SGCZ: variants seen among roughly 807,000 people sequenced by gnomAD.
SGCZ encodes the protein sarcoglycan zeta.
Under a neutral mutation model 41.3 loss-of-function variants are expected in SGCZ, and 40 were observed. The ratio of observed to expected loss-of-function variants is 0.97; its 90% confidence interval spans 0.75 to 1.26. SGCZ has a LOEUF of 1.26. SGCZ is among the 50% of genes most tolerant of loss of function. The pLI, the probability that SGCZ is intolerant of heterozygous loss-of-function variation, is 0.00. For missense variants in SGCZ, 552 were observed against 369.8 expected (o/e 1.49, Z -4.04); for synonymous variants, 206 against 137.5 (o/e 1.50, Z -3.49).
intron 4 of SGCZ, among the ~76,000 whole-genome samples, chr8:14,220,916 T>C (rs955548723): frequency 1.3e-5 from 2 of 152,188 alleles, no homozygotes; most frequent in African/African-American, 4.8e-5. Context: ...TTGTAGATGT[T>C]GGAAGTAACC....
chr8:14,862,728 A>C (rs538389601), intron 1 of SGCZ, among the ~76,000 whole-genome samples: 1 of 151,918 alleles, frequency 6.6e-6, no homozygotes, highest in South Asian at 2.1e-4. Flanking sequence ...TGATTATAAT[A>C]AGGTTCAAAG....
At chr8:15,102,810 C>T (rs1806665631) in intron 1 of SGCZ, among the ~76,000 whole-genome samples, 1 of 152,206 alleles carries the variant, frequency 6.6e-6, no homozygotes, top group Admixed American at 6.5e-5. Flanking sequence ...TACTTTTTCT[C>T]AAGTCTTACA....
chr8:14,588,339 A>G (rs757293973), intron 1 of SGCZ, among the ~76,000 whole-genome samples: 3 of 152,148 alleles, frequency 2.0e-5, no homozygotes, highest in Non-Finnish European at 2.9e-5. Flanking sequence ...AGCACAATCA[A>G]TAAGTAAGTT....
At chr8:15,131,180 G>C (rs1038203366) in intron 1 of SGCZ, among the ~76,000 whole-genome samples, 4 of 152,170 alleles carry the variant, frequency 2.6e-5, no homozygotes, top group African/African-American at 9.7e-5. Context: ...CCACCCAAAT[G>C]TCATCTTGAA....
At chr8:14,725,150 C>T (rs1810009537) in intron 1 of SGCZ, among the ~76,000 whole-genome samples, 1 of 152,140 alleles carries the variant, frequency 6.6e-6, no homozygotes, top group Non-Finnish European at 1.5e-5. Context: ...TGTCCAATTC[C>T]ATCCATGGTG....
chr8:14,696,112 G>T (rs922420762), intron 1 of SGCZ, among the ~76,000 whole-genome samples: 4 of 151,942 alleles, frequency 2.6e-5, no homozygotes, highest in African/African-American at 9.7e-5. Flanking sequence ...TTTTTTTCAG[G>T]TTGTAGAAAA....
intron 1 of SGCZ, among the ~76,000 whole-genome samples, chr8:15,216,906 C>G (rs978639751): frequency 1.3e-5 from 2 of 151,998 alleles, no homozygotes; most frequent in African/African-American, 2.4e-5. Flanking sequence ...TTTTGGGTAT[C>G]GTTGCTTCTG....
chr8:14,554,717 C>T lies in SGCZ; in HGVS notation c.234+15G>A, dbSNP rs921644243. The T allele has an allele frequency of 5.0e-6, 8 of 1,596,056 alleles. No individual in the cohort carries two copies. The highest frequency in any genetic ancestry group is 3.4e-5 in the Admixed American group (2 of 58,826). On this transcript the variant is annotated intron_variant, in intron 2 of 7. Coordinates refer to ENST00000382080, the MANE Select transcript of SGCZ (RefSeq NM_139167.4). ...AACCAAGAGCAATAAGATGTAAAAT[C>T]ATAGTGGTACTTACCACAGTGAAAT...
In SGCZ at chr8:14,723,050, G is replaced by C. The variant is rs186942155; in HGVS notation, c.40-168124C>G. Among the ~76,000 whole-genome samples the C allele has an allele frequency of 2.0e-5, 3 of 152,052 alleles. No individual in the cohort carries two copies. In the South Asian group the frequency reaches 6.2e-4, roughly 32 times the overall value. ...TCCATTGTTTGTTTCTATTGTTTAT[G>C]TCCATTTTGCTAGGCAGGTTCAAAA... On this transcript the variant is annotated intron_variant, in intron 1 of 7. Coordinates refer to ENST00000382080, the MANE Select transcript of SGCZ (RefSeq NM_139167.4).
At chr8:14,775,942 G>A (rs1438673743) in intron 1 of SGCZ, among the ~76,000 whole-genome samples, 2 of 152,054 alleles carry the variant, frequency 1.3e-5, no homozygotes, top group Non-Finnish European at 2.9e-5. Context: ...AAAGGAAAGT[G>A]GACTCTCTTG....
At chr8:14,413,059 A>G (rs921936939) in intron 2 of SGCZ, among the ~76,000 whole-genome samples, 1 of 152,000 alleles carries the variant, frequency 6.6e-6, no homozygotes, top group Non-Finnish European at 1.5e-5. Flanking sequence ...AAGAATTGTT[A>G]TGCTTTGCAT....
intron 1 of SGCZ, among the ~76,000 whole-genome samples, chr8:15,210,795 T>A (rs373154514): frequency 9.9e-5 from 15 of 152,256 alleles, no homozygotes; most frequent in South Asian, 6.2e-4. Flanking sequence ...TTAAGCCACC[T>A]ACTCTCTGAA....
chr8:14,648,461 T>C (rs1441945383), intron 1 of SGCZ, among the ~76,000 whole-genome samples: 2 of 152,102 alleles, frequency 1.3e-5, no homozygotes, highest in African/African-American at 4.8e-5. Context: ...AATATTTCAC[T>C]GAATAGTATG....
intron 1 of SGCZ, among the ~76,000 whole-genome samples, chr8:14,750,548 T>G (rs62493261): frequency 0.015 from 2,359 of 152,276 alleles, 26 homozygotes; most frequent in Non-Finnish European, 0.022. Context: ...GCATTAATTT[T>G]CTTACCATTG....
chr8:14,316,662 C>G (rs772463016), intron 3 of SGCZ, among the ~76,000 whole-genome samples: 2 of 151,954 alleles, frequency 1.3e-5, no homozygotes, highest in African/African-American at 2.4e-5. Context: ...TGACCTCTCA[C>G]TGGCCTTTGT....
At chr8:14,629,739 A>C (rs1056102876) in intron 1 of SGCZ, among the ~76,000 whole-genome samples, 1 of 152,230 alleles carries the variant, frequency 6.6e-6, no homozygotes, top group Middle Eastern at 3.4e-3. Flanking sequence ...GGGTAAACAA[A>C]ACTGAAATCT....
chr8:15,037,224 G>C (rs1474264802), intron 1 of SGCZ, among the ~76,000 whole-genome samples: 1 of 152,106 alleles, frequency 6.6e-6, no homozygotes, highest in African/African-American at 2.4e-5. Flanking sequence ...AATCATAATG[G>C]AGGCGGTTAC....
chr8:14,138,295 A>G (rs1326730710), intron 5 of SGCZ, among the ~76,000 whole-genome samples: 2 of 152,198 alleles, frequency 1.3e-5, no homozygotes, highest in Admixed American at 1.3e-4. Context: ...TAATCAGCTA[A>G]CATTATAATG....
At chr8:14,565,603 G>A (rs376783736) in intron 1 of SGCZ, among the ~76,000 whole-genome samples, 2 of 151,982 alleles carry the variant, frequency 1.3e-5, no homozygotes, top group Admixed American at 1.3e-4. Flanking sequence ...AAATCTTTAA[G>A]GAAAAACAAA....
Sources: gnomAD v4.1 joint callset for allele counts (sites outside exome capture counted in the v4.1 genomes callset) on GRCh38, gnomAD v4.1.1 for gene constraint, MANE v1.5 for transcripts, NCBI Gene and HGNC (gene_info 2026-07-23, HGNC 2026-07-21) for gene names.